The following ATP10B variants were observed in gnomAD, a reference collection of about 807,000 sequenced individuals.
ATP10B encodes phospholipid-transporting ATPase VB.
A neutral mutation model predicts 141.2 loss-of-function variants in ATP10B; 122 were observed. The observed-to-expected ratio is 0.86, with a 90% CI of 0.75 to 1.00. The LOEUF is 1.00. Ranked by LOEUF, ATP10B falls within the 50% of genes least tolerant of loss-of-function variation. The pLI, the probability that ATP10B is intolerant of heterozygous loss-of-function variation, is 0.00. For synonymous variants in ATP10B, 685 were observed against 692.0 expected, an observed-to-expected ratio of 0.99 and a Z score of 0.16; for missense variants, 1,876 against 1,825.3, an observed-to-expected ratio of 1.03 and a Z score of -0.51.
intron 10 of ATP10B, 130 bp from the exon 11 acceptor site, chr5:160,636,439 G>A: frequency 5.4e-6 from 5 of 929,178 alleles, no homozygotes; most frequent in Non-Finnish European, 6.4e-6. Flanking sequence ...TCCATACAAT[G>A]TAGCTCTGTG....
intron 1 of ATP10B, among the ~76,000 whole-genome samples, chr5:160,836,888 GGTTAT>G (rs1775473221): frequency 6.6e-6 from 1 of 152,064 alleles, no homozygotes; most frequent in Non-Finnish European, 1.5e-5. Flanking sequence ...TGAACTGTGA[GGTTAT>G]GTCAATAGAT....
chr5:160,883,650 T>C, the ATP10B span, among the ~76,000 whole-genome samples: 2 of 152,190 alleles, frequency 1.3e-5, no homozygotes, highest in Admixed American at 1.3e-4. Flanking sequence ...AGTTGATAGA[T>C]ACTGTTTAAA....
At chr5:160,645,382 G>A (rs1760204271) in intron 8 of ATP10B, among the ~76,000 whole-genome samples, 1 of 152,192 alleles carries the variant, frequency 6.6e-6, no homozygotes, top group Non-Finnish European at 1.5e-5. Flanking sequence ...GGACAGGTAA[G>A]AATGGTAAAG....
chr5:160,817,558 A>C (rs1035891242), intron 1 of ATP10B, among the ~76,000 whole-genome samples: 6 of 152,204 alleles, frequency 3.9e-5, no homozygotes. Context: ...AATATCATGT[A>C]AATGGCCATA....
intron 2 of ATP10B, among the ~76,000 whole-genome samples, chr5:160,729,575 T>C (rs1766597058): frequency 6.6e-6 from 1 of 152,024 alleles, no homozygotes; most frequent in South Asian, 2.1e-4. Context: ...CAAGCAAAGA[T>C]TGAAGGAGTA....
intron 1 of ATP10B, among the ~76,000 whole-genome samples, chr5:160,813,008 G>A (rs1157095529): frequency 1.3e-5 from 2 of 152,142 alleles, no homozygotes; most frequent in Non-Finnish European, 2.9e-5. Flanking sequence ...GAGAGAAATA[G>A]CAAGATGGCC....
the ATP10B span, among the ~76,000 whole-genome samples, chr5:160,915,663 T>C: frequency 6.6e-6 from 1 of 152,132 alleles, no homozygotes; most frequent in Non-Finnish European, 1.5e-5. Flanking sequence ...CCATCACACC[T>C]TCTGGAGATT....
the ATP10B span, among the ~76,000 whole-genome samples, chr5:160,858,681 G>A: frequency 2.0e-5 from 3 of 151,774 alleles, no homozygotes; most frequent in East Asian, 5.8e-4. Flanking sequence ...CCTTCCTGTG[G>A]TTGTTTGAAC....
chr5:160,839,763 CTAAAGA>C (rs1057053692), intron 1 of ATP10B, among the ~76,000 whole-genome samples: 2 of 151,660 alleles, frequency 1.3e-5, no homozygotes, highest in African/African-American at 2.4e-5. Flanking sequence ...TTTAAAAAGG[CTAAAGA>C]TAAAGGAATG....
intron 18 of ATP10B, among the ~76,000 whole-genome samples, chr5:160,611,632 T>TA (rs1046089372): frequency 2.0e-5 from 3 of 152,186 alleles, no homozygotes; most frequent in African/African-American, 7.2e-5. Flanking sequence ...GTTTTATTTT[T>TA]AAAAAAGAGG....
the ATP10B span, among the ~76,000 whole-genome samples, chr5:160,857,899 C>T: frequency 1.2e-4 from 18 of 151,670 alleles, no homozygotes; most frequent in East Asian, 1.2e-3. Flanking sequence ...TTAAATTTGT[C>T]GACATTCATT....
intron 7 of ATP10B, among the ~76,000 whole-genome samples, chr5:160,651,293 C>A (rs1760713520): frequency 6.6e-6 from 1 of 152,136 alleles, no homozygotes; most frequent in Non-Finnish European, 1.5e-5. Flanking sequence ...TCCTGGTGAA[C>A]AGTCTTGTAG....
At chr5:160,838,977 C>T (rs1775646240) in intron 1 of ATP10B, among the ~76,000 whole-genome samples, 1 of 152,148 alleles carries the variant, frequency 6.6e-6, no homozygotes. Context: ...CTTGCTCCCA[C>T]TCTTGCCATG....
At chr5:160,809,380 T>A (rs1290576462) in intron 1 of ATP10B, among the ~76,000 whole-genome samples, 2 of 152,202 alleles carry the variant, frequency 1.3e-5, no homozygotes, top group Non-Finnish European at 2.9e-5. Flanking sequence ...GAAAGATAGA[T>A]GACCAAGTTT....
intron 10 of ATP10B, among the ~76,000 whole-genome samples, chr5:160,637,363 T>C (rs1304556413): frequency 6.6e-6 from 1 of 152,152 alleles, no homozygotes; most frequent in African/African-American, 2.4e-5. Context: ...CCATCTATGT[T>C]TACCCATTCA....
chr5:160,917,941 G>A, the ATP10B span, among the ~76,000 whole-genome samples: 1 of 152,226 alleles, frequency 6.6e-6, no homozygotes. Flanking sequence ...AGGACCAGCA[G>A]CCACAGCTCT....
Position 160,652,909 on chromosome 5 carries a change from ACATG to A in ATP10B, c.676-3657_676-3654del, listed in dbSNP as rs1561701733. Among the ~76,000 whole-genome samples the A allele has an allele frequency of 1.9e-4, 13 of 68,266 alleles. 1 individual carries two copies. The highest frequency in any genetic ancestry group is 1.1e-3 in the African/African-American group (13 of 12,264). 44.8% of individuals were successfully genotyped at this position (68,266 alleles called of 152,430 possible). A position where few individuals can be genotyped will look rare whatever the true frequency, so the allele number is the denominator to read the frequency against. On this transcript the variant is annotated intron_variant, in intron 7 of 25. Transcript: ENST00000327245. ...TATAATTATATAATATATTATATAT[ACATG>A]TATATATAATATATTATATATACAT... is the stretch of plus-strand genomic sequence containing the variant.
the ATP10B span, among the ~76,000 whole-genome samples, chr5:160,880,540 G>T: frequency 6.6e-6 from 1 of 152,114 alleles, no homozygotes; most frequent in Non-Finnish European, 1.5e-5. Context: ...TTACTTTAAA[G>T]CTACAGTAAT....
intron 7 of ATP10B, among the ~76,000 whole-genome samples, chr5:160,650,004 G>A (rs1421540191): frequency 6.6e-6 from 1 of 151,830 alleles, no homozygotes; most frequent in East Asian, 1.9e-4. Flanking sequence ...AGCTACTCGG[G>A]AGGCTGAGGC....
Sources: allele counts gnomAD v4.1 joint callset (sites outside exome capture counted in the v4.1 genomes callset), GRCh38; gene constraint gnomAD v4.1.1; transcripts MANE v1.5; gene names NCBI Gene and HGNC (gene_info 2026-07-23, HGNC 2026-07-21).